The following POU1F1 variants were observed in gnomAD, a reference collection of about 807,000 sequenced individuals.
The protein encoded by POU1F1 is POU class 1 homeobox 1.
A neutral mutation model predicts 32.3 loss-of-function variants in POU1F1; 23 were observed. That is an observed-to-expected ratio of 0.71 (90% CI 0.51 to 1.01). The LOEUF (loss-of-function observed/expected upper bound fraction) is 1.01, where lower values mean the gene tolerates loss of function less well. POU1F1 is among the 50% of genes least tolerant of loss of function. The pLI is 0.00. For synonymous variants in POU1F1, 120 were observed against 115.6 expected (o/e 1.04, Z -0.25); for missense variants, 323 against 341.6 (o/e 0.95, Z 0.43).
At chr3:87,262,331 T>C (rs1706529590) in intron 3 of POU1F1, 96 bp from the exon 4 acceptor site, 1 of 1,339,524 alleles carries the variant, frequency 7.5e-7, no homozygotes, top group Non-Finnish European at 1.1e-6. Flanking sequence ...TGTCAACTAT[T>C]ACACACTATT....
chr3:87,272,979 T>C (rs1706755306), intron 2 of POU1F1, among the ~76,000 whole-genome samples: 1 of 152,198 alleles, frequency 6.6e-6, no homozygotes, highest in African/African-American at 2.4e-5. Context: ...TTATTTTACC[T>C]AGTTTACATT....
chr3:87,273,471 T>A, intron 1 of POU1F1, 53 bp from the exon 2 acceptor site: 1 of 1,609,016 alleles, frequency 6.2e-7, no homozygotes, highest in Non-Finnish European at 8.5e-7. Flanking sequence ...ATTTAGGAGT[T>A]TGGATCAAAG....
At chr3:87,275,215 T>G (rs1706803964) in intron 1 of POU1F1, among the ~76,000 whole-genome samples, 1 of 152,010 alleles carries the variant, frequency 6.6e-6, no homozygotes. Flanking sequence ...ACAGAAATCT[T>G]TGGCGGATTC....
Position 87,262,203 on chromosome 3 carries a change from C to T in POU1F1, c.472G>A (p.Ala158Thr), listed in dbSNP as rs104893756. Residue 158 changes from alanine (A) to threonine (T), a missense_variant, in exon 4 of 6, where the codon GCA becomes ACA. Ala to Thr is a moderately conservative substitution (Grantham distance 58). Transcript: ENST00000350375. ...CTGAATTCAGAGCCATGCACAGCTG[C>T]CAGGGCCTCCCCAACATTTGTCTGG... ...YTQTNVGEAL[A>T]AVHGSEFSQT... 6 of 1,613,978 alleles carry T rather than the reference C, an allele frequency of 3.7e-6. No homozygotes were observed. The highest frequency in any genetic ancestry group is 3.3e-5 in the Admixed American group (2 of 59,994).
chr3:87,265,651 T>C (rs972894427), intron 2 of POU1F1, among the ~76,000 whole-genome samples: 16 of 151,690 alleles, frequency 1.1e-4, no homozygotes, highest in African/African-American at 3.9e-4. Context: ...AAAAATAAAG[T>C]AAAAAATAAC....
At position 87,264,475 on chromosome 3, in the gene POU1F1, G is replaced by A. The variant is rs4988460; in HGVS notation, c.252C>T (p.His84=). 9.9e-4 allele frequency: 1,603 copies of A among 1,612,438 alleles called. 3 individuals carry two copies. Among genetic ancestry groups the A allele is most frequent in the Admixed American group, 1.3e-3 (76 of 59,972 alleles). Residue 84 remains histidine, a synonymous_variant, in exon 3 of 6, where the codon CAC becomes CAT. Transcript: ENST00000350375. ...TAGGAGGAAATCCATGACTCAAGGTGTGGTCAGGAAATTTATAAAGACAAG... is the reference window on the plus strand; with the variant it reads ...TAGGAGGAAATCCATGACTCAAGGTATGGTCAGGAAATTTATAAAGACAAG... ...LTPCLYKFPD[H]TLSHGFPPIH...
intron 4 of POU1F1, 126 bp from the exon 5 acceptor site, chr3:87,261,459 T>A: frequency 1.3e-6 from 1 of 754,680 alleles, no homozygotes; most frequent in Non-Finnish European, 2.1e-6. Context: ...ATTTTTGTCT[T>A]AAATTTTTGC....
intron 2 of POU1F1, among the ~76,000 whole-genome samples, chr3:87,266,633 T>A (rs1706626831): frequency 1.3e-5 from 2 of 151,728 alleles, no homozygotes; most frequent in Admixed American, 1.3e-4. Flanking sequence ...CTTTATTGTG[T>A]GGCATCTTGA....
intron 2 of POU1F1, among the ~76,000 whole-genome samples, chr3:87,265,103 AATGATGAGAATATAAAGTATATTAAT>A (rs1706592592): frequency 6.6e-6 from 1 of 152,196 alleles, no homozygotes; most frequent in South Asian, 2.1e-4. Context: ...GCAGAAAGAG[AATGATGAGAATATAAAGTATATTAAT>A]ATGGCTAAAT....
Position 87,271,807 on chromosome 3 carries a change from T to A in POU1F1, c.214+1540A>T, listed in dbSNP as rs539842473. Reference sequence around the variant, plus strand: ...AAATATGGCTTTAATTCTTAATTTTTAAAAAAAGACGTCAGGATTTACAGG... The same window carrying A: ...AAATATGGCTTTAATTCTTAATTTTAAAAAAAAGACGTCAGGATTTACAGG... On this transcript the variant is annotated intron_variant, in intron 2 of 5. Transcript: ENST00000350375. Among the ~76,000 whole-genome samples the A allele has an allele frequency of 1.8e-3, 275 of 152,200 alleles. 1 individual carries two copies. The highest frequency in any genetic ancestry group is 6.1e-3 in the African/African-American group (254 of 41,548).
chr3:87,262,081 C>T lies in POU1F1; in HGVS notation c.594G>A (p.Glu198=), dbSNP rs1470953761. The change falls in exon 4 of 6, where the codon GAG becomes GAA. Residue 198 remains glutamate, a synonymous_variant. Transcript: ENST00000350375. Reference sequence around the variant, plus strand: ...GACACAATTTAGTACCTCCTACTTGCTCAGCTTCCTCCAGCCATTTGGATA... The same window carrying T: ...GACACAATTTAGTACCTCCTACTTGTTCAGCTTCCTCCAGCCATTTGGATA... ...AILSKWLEEA[E]QVGALYNEKV... The T allele has an allele frequency of 3.1e-6, 5 of 1,614,000 alleles. No homozygotes were observed. Among genetic ancestry groups the T allele is most frequent in the Non-Finnish European group, 3.4e-6 (4 of 1,179,984 alleles).
At chr3:87,268,415 T>G (rs1706667044) in intron 2 of POU1F1, among the ~76,000 whole-genome samples, 1 of 152,074 alleles carries the variant, frequency 6.6e-6, no homozygotes. Flanking sequence ...TTCACTTTCA[T>G]TTTTCATTGC....
In POU1F1 at chr3:87,270,912, C is replaced by A. The variant is rs1385430798; in HGVS notation, c.214+2435G>T. Among the ~76,000 whole-genome samples, 4 of 151,984 alleles carry A rather than the reference C, an allele frequency of 2.6e-5. 1 individual carries two copies. Among genetic ancestry groups the A allele is most frequent in the South Asian group, 4.2e-4 (2 of 4,812 alleles). ...CAAATGCTAATACTGAATTATGTCC[C>A]AATATAGACATTCTGACATTTAAAG... On this transcript the variant is annotated intron_variant, in intron 2 of 5. Transcript: ENST00000350375.
At chr3:87,272,175 C>G (rs1187873573) in intron 2 of POU1F1, among the ~76,000 whole-genome samples, 1 of 151,614 alleles carries the variant, frequency 6.6e-6, no homozygotes, top group Non-Finnish European at 1.5e-5. Flanking sequence ...CAGTTTTTCC[C>G]TCAGTATCAC....
chr3:87,270,732 A>C (rs1400139395), intron 2 of POU1F1, among the ~76,000 whole-genome samples: 3 of 152,212 alleles, frequency 2.0e-5, no homozygotes, highest in Non-Finnish European at 4.4e-5. Flanking sequence ...CAGATGACAT[A>C]ATAAGGTTTC....
intron 2 of POU1F1, among the ~76,000 whole-genome samples, chr3:87,272,329 G>A (rs1008070983): frequency 1.3e-5 from 2 of 151,940 alleles, no homozygotes; most frequent in African/African-American, 4.8e-5. Flanking sequence ...TATACTTTAA[G>A]TTTTAGGGTA....
chr3:87,272,796 T>G (rs1173835315), intron 2 of POU1F1, among the ~76,000 whole-genome samples: 2 of 152,162 alleles, frequency 1.3e-5, no homozygotes, highest in African/African-American at 2.4e-5. Flanking sequence ...ACTCTTAGCT[T>G]CAATCAATGT....
chr3:87,266,001 G>C (rs990857614), intron 2 of POU1F1, among the ~76,000 whole-genome samples: 3 of 150,414 alleles, frequency 2.0e-5, no homozygotes, highest in Non-Finnish European at 4.4e-5. Context: ...ATTATTCTTA[G>C]AAACTTACTG....
At chr3:87,276,290 G>A in intron 1 of POU1F1, 31 bp downstream of exon 1, 1 of 1,608,448 alleles carries the variant, frequency 6.2e-7, no homozygotes, top group Non-Finnish European at 8.5e-7. Flanking sequence ...TTTAGGCCCG[G>A]TCATATGTAA....
Sources: gnomAD v4.1 joint callset for allele counts (sites outside exome capture counted in the v4.1 genomes callset) on GRCh38, gnomAD v4.1.1 for gene constraint, MANE v1.5 for transcripts, NCBI Gene and HGNC (gene_info 2026-07-23, HGNC 2026-07-21) for gene names.